PIP5K1B: variants seen among roughly 807,000 people sequenced by gnomAD.
PIP5K1B encodes the protein phosphatidylinositol 4-phosphate 5-kinase type-1 beta.
A neutral mutation model predicts 67.0 loss-of-function variants in PIP5K1B; 42 were observed. The observed-to-expected ratio is 0.63, with a 90% CI of 0.49 to 0.81. The LOEUF (loss-of-function observed/expected upper bound fraction) is 0.81, where lower values mean the gene tolerates loss of function less well. Among genes scored for constraint, PIP5K1B ranks in the 30% least tolerant of loss-of-function variants. The pLI is 0.00. For synonymous variants in PIP5K1B, 214 were observed against 231.4 expected, an observed-to-expected ratio of 0.92 and a Z score of 0.68; for missense variants, 459 against 646.3, an observed-to-expected ratio of 0.71 and a Z score of 3.14.
At chr9:68,999,583 A>G (rs991269443) in intron 15 of PIP5K1B, among the ~76,000 whole-genome samples, 1 of 152,124 alleles carries the variant, frequency 6.6e-6, no homozygotes, top group Admixed American at 6.5e-5. Context: ...TTAAACCTCT[A>G]CACACACCAG....
At chr9:68,834,296 C>T (rs937361090) in intron 4 of PIP5K1B, among the ~76,000 whole-genome samples, 1 of 152,214 alleles carries the variant, frequency 6.6e-6, no homozygotes, top group Admixed American at 6.5e-5. Flanking sequence ...CATTCCTTCC[C>T]ACGCAAGCTG....
chr9:68,759,503 A>G (rs576094796), intron 2 of PIP5K1B, among the ~76,000 whole-genome samples: 34 of 152,256 alleles, frequency 2.2e-4, no homozygotes, highest in African/African-American at 7.9e-4. Context: ...GTAACCCAAA[A>G]GAAGGCAGGA....
At chr9:68,754,383 A>G (rs1399443804) in intron 2 of PIP5K1B, among the ~76,000 whole-genome samples, 2 of 151,148 alleles carry the variant, frequency 1.3e-5, no homozygotes, top group Non-Finnish European at 3.0e-5. Flanking sequence ...GTTAGCCAGG[A>G]TGGTCTCAAT....
At chr9:68,715,668 G>C (rs746483430) in intron 1 of PIP5K1B, among the ~76,000 whole-genome samples, 2 of 151,984 alleles carry the variant, frequency 1.3e-5, no homozygotes, top group Non-Finnish European at 2.9e-5. Flanking sequence ...CCATAGTGTC[G>C]GCACATGTAG....
At chr9:68,760,775 CA>C (rs1564114176) in intron 2 of PIP5K1B, among the ~76,000 whole-genome samples, 1 of 152,052 alleles carries the variant, frequency 6.6e-6, no homozygotes, top group East Asian at 1.9e-4. Context: ...TAGGAGCTCA[CA>C]AATATGCTAA....
At chr9:68,802,795 G>A (rs1832672127) in intron 2 of PIP5K1B, among the ~76,000 whole-genome samples, 1 of 152,194 alleles carries the variant, frequency 6.6e-6, no homozygotes, top group South Asian at 2.1e-4. Context: ...TTGTGTTGGG[G>A]TGAGCTGGGA....
intron 2 of PIP5K1B, chr9:68,784,708 A>G (rs1831513492): frequency 6.3e-6 from 1 of 159,198 alleles, no homozygotes; most frequent in South Asian, 2.1e-4. Flanking sequence ...GTTGCCAGAC[A>G]ATTGAACCAA....
intron 4 of PIP5K1B, among the ~76,000 whole-genome samples, chr9:68,854,265 G>T (rs1822655163): frequency 6.6e-6 from 1 of 151,666 alleles, no homozygotes; most frequent in African/African-American, 2.4e-5. Flanking sequence ...TGAGTAACTG[G>T]GACTACAGGT....
intron 14 of PIP5K1B, among the ~76,000 whole-genome samples, chr9:68,989,808 C>T (rs1166077177): frequency 1.3e-5 from 2 of 151,994 alleles, no homozygotes; most frequent in East Asian, 1.9e-4. Flanking sequence ...GGTGAAACCC[C>T]GTCTCTACGA....
At chr9:68,912,783 T>C (rs1825915493) in intron 8 of PIP5K1B, among the ~76,000 whole-genome samples, 1 of 152,052 alleles carries the variant, frequency 6.6e-6, no homozygotes, top group Admixed American at 6.5e-5. Context: ...AGACAGAAGA[T>C]AGTTTGCAGT....
intron 11 of PIP5K1B, among the ~76,000 whole-genome samples, chr9:68,921,347 A>T (rs1826392184): frequency 6.6e-6 from 1 of 152,156 alleles, no homozygotes; most frequent in African/African-American, 2.4e-5. Context: ...TCTTACTGAG[A>T]TCAAAAATTC....
chr9:68,713,646 T>C (rs1182916036), intron 1 of PIP5K1B, among the ~76,000 whole-genome samples: 2 of 152,214 alleles, frequency 1.3e-5, no homozygotes, highest in Admixed American at 1.3e-4. Context: ...GTCTTGGCTT[T>C]TCTCAGAACT....
chr9:68,724,250 T>G (rs938386781), intron 1 of PIP5K1B, among the ~76,000 whole-genome samples: 4 of 148,240 alleles, frequency 2.7e-5, no homozygotes, highest in Non-Finnish European at 6.0e-5. Context: ...TTTTTTTTTT[T>G]GTTTTTTGTT....
chr9:68,746,793 G>T (rs1829333148), intron 2 of PIP5K1B, among the ~76,000 whole-genome samples: 1 of 152,178 alleles, frequency 6.6e-6, no homozygotes, highest in South Asian at 2.1e-4. Flanking sequence ...CCTCGGGCTG[G>T]AGTGGAAAGA....
chr9:68,985,618 T>A (rs565695605), intron 14 of PIP5K1B, among the ~76,000 whole-genome samples: 1 of 152,350 alleles, frequency 6.6e-6, no homozygotes, highest in Non-Finnish European at 1.5e-5. Context: ...GTGTGTAACC[T>A]CTGGGCAGGA....
At chr9:68,936,119 T>C (rs749179800) in intron 13 of PIP5K1B, 11 of 152,230 alleles carry the variant, frequency 7.2e-5, no homozygotes, top group Non-Finnish European at 1.6e-4. Context: ...GTATCTTTTT[T>C]AAGAATTGAG....
chr9:69,007,519 A>G (rs970924934), intron 15 of PIP5K1B, among the ~76,000 whole-genome samples: 6 of 152,206 alleles, frequency 3.9e-5, no homozygotes, highest in Non-Finnish European at 5.9e-5. Flanking sequence ...AGATGAAACA[A>G]CAAGGTTCCA....
chr9:68,728,470 G>A (rs1000948476), intron 1 of PIP5K1B, among the ~76,000 whole-genome samples: 4 of 151,932 alleles, frequency 2.6e-5, no homozygotes, highest in Non-Finnish European at 5.9e-5. Context: ...TCATATTGGG[G>A]GTATGGATTC....
chr9:68,866,586 T>G (rs530293352), intron 5 of PIP5K1B, among the ~76,000 whole-genome samples: 1 of 152,346 alleles, frequency 6.6e-6, no homozygotes, highest in East Asian at 1.9e-4. Context: ...TTGGATTAAG[T>G]TAGATTTAAA....
Sources: allele counts gnomAD v4.1 joint callset (sites outside exome capture counted in the v4.1 genomes callset), GRCh38; gene constraint gnomAD v4.1.1; transcripts MANE v1.5; gene names NCBI Gene and HGNC (gene_info 2026-07-23, HGNC 2026-07-21).